The following ZNF717 variants were observed in gnomAD, a reference collection of about 807,000 sequenced individuals.
The protein encoded by ZNF717 is zinc finger protein 717.
A neutral mutation model predicts 13.8 loss-of-function variants in ZNF717; 9 were observed. That is an observed-to-expected ratio of 0.65 (90% CI 0.39 to 1.14). The LOEUF (loss-of-function observed/expected upper bound fraction) is 1.14. Ranked by LOEUF, ZNF717 falls within the 50% of genes most tolerant of loss-of-function variation. The probability of loss-of-function intolerance (pLI) is 0.01; values close to 1 mark genes in which losing one functional copy is unlikely to be tolerated. For missense variants in ZNF717, 1,040 were observed against 1,080.7 expected (o/e 0.96, Z 0.53); for synonymous variants, 327 against 364.1 (o/e 0.90, Z 1.16).
intron 6 of ZNF717, among the ~76,000 whole-genome samples, chr3:75,698,841 A>T: frequency 6.6e-6 from 1 of 152,308 alleles, no homozygotes; most frequent in Non-Finnish European, 1.5e-5. Flanking sequence ...TCCAGACCCC[A>T]TAATGGTAGA....
chr3:75,748,170 A>G (rs1424012254), intron 2 of ZNF717, among the ~76,000 whole-genome samples: 1 of 152,156 alleles, frequency 6.6e-6, no homozygotes, highest in Admixed American at 6.6e-5. Flanking sequence ...TAATAGACCA[A>G]TAACAGGCTC....
At chr3:75,711,142 G>A (rs1937928599) in exon 6 of ZNF717, 1 of 152,186 alleles carries the variant, frequency 6.6e-6, no homozygotes, top group South Asian at 2.1e-4. Flanking sequence ...TTCTGTTTAT[G>A]AAGAGAAACA....
chr3:75,758,631 A>T (rs1310043988), intron 2 of ZNF717, among the ~76,000 whole-genome samples: 2 of 152,176 alleles, frequency 1.3e-5, no homozygotes, highest in Non-Finnish European at 2.9e-5. Context: ...GCAAACTTCA[A>T]TGTTGTATTA....
chr3:75,709,125 A>G (rs2106831591), downstream of ZNF717, among the ~76,000 whole-genome samples: 2 of 151,350 alleles, frequency 1.3e-5, no homozygotes, highest in East Asian at 2.0e-4. Flanking sequence ...CAGCCTCCTG[A>G]GTAGCTGGAA....
chr3:75,740,976 T>C (rs76968430), intron 4 of ZNF717, among the ~76,000 whole-genome samples: 1 of 151,746 alleles, frequency 6.6e-6, no homozygotes, highest in Non-Finnish European at 1.5e-5. Flanking sequence ...ATTTTTAAGA[T>C]ACTACATCAG....
intron 4 of ZNF717, among the ~76,000 whole-genome samples, chr3:75,718,607 A>G (rs1316765034): frequency 1.3e-5 from 2 of 152,216 alleles, no homozygotes; most frequent in Non-Finnish European, 1.5e-5. Context: ...TTCCTGGAAG[A>G]CAATTTTTCC....
At chr3:75,770,000 G>T (rs151101499) in intron 2 of ZNF717, among the ~76,000 whole-genome samples, 272 of 152,256 alleles carry the variant, frequency 1.8e-3, no homozygotes, top group African/African-American at 5.9e-3. Flanking sequence ...GTGCTTCTTG[G>T]TTTTTGTCTT....
intron 5 of ZNF717, among the ~76,000 whole-genome samples, chr3:75,715,964 T>C (rs1434703648): frequency 2.9e-5 from 4 of 139,894 alleles, no homozygotes; most frequent in Non-Finnish European, 1.5e-5. Context: ...TGGTTTTTTT[T>C]GGTTTGTTTT....
chr3:75,723,267 T>TTTTTTC (rs1938204291), intron 4 of ZNF717, among the ~76,000 whole-genome samples: 1 of 140,550 alleles, frequency 7.1e-6, no homozygotes, highest in Non-Finnish European at 1.6e-5. Context: ...TTTTTTTTTT[T>TTTTTTC]CAGACAAGCT....
chr3:75,753,152 G>C (rs1942070282), intron 2 of ZNF717, among the ~76,000 whole-genome samples: 1 of 150,966 alleles, frequency 6.6e-6, no homozygotes, highest in Non-Finnish European at 1.5e-5. Flanking sequence ...CTGCTGCTGG[G>C]TTTTGAATGT....
intron 5 of ZNF717, among the ~76,000 whole-genome samples, chr3:75,716,161 A>G (rs1281294016): frequency 7.5e-6 from 1 of 132,498 alleles, no homozygotes; most frequent in African/African-American, 2.9e-5. Context: ...TTTGTATTTT[A>G]ATAGAGACGA....
At chr3:75,771,840 C>T (rs1166774164) in intron 2 of ZNF717, among the ~76,000 whole-genome samples, 1 of 152,264 alleles carries the variant, frequency 6.6e-6, no homozygotes, top group Non-Finnish European at 1.5e-5. Flanking sequence ...GCCCCCCTGC[C>T]CCTGCAGGCT....
chr3:75,748,192 C>T (rs1443637234), intron 2 of ZNF717, among the ~76,000 whole-genome samples: 1 of 151,972 alleles, frequency 6.6e-6, no homozygotes, highest in Non-Finnish European at 1.5e-5. Flanking sequence ...GAAATTGAGG[C>T]AATAATAGCT....
chr3:75,734,579 C>T (rs1938916201), downstream of ZNF717, among the ~76,000 whole-genome samples: 1 of 150,312 alleles, frequency 6.7e-6, no homozygotes, highest in Admixed American at 6.6e-5. Context: ...ACAACAGACA[C>T]CCACCACCAC....
At chr3:75,782,861 T>C (rs574344710) in intron 2 of ZNF717, among the ~76,000 whole-genome samples, 1 of 152,234 alleles carries the variant, frequency 6.6e-6, no homozygotes, top group East Asian at 1.9e-4. Flanking sequence ...CCGTTTCCAC[T>C]GCACAACATG....
chr3:75,712,892 T>C (rs1211696524), intron 5 of ZNF717, among the ~76,000 whole-genome samples: 13 of 152,098 alleles, frequency 8.5e-5, no homozygotes, highest in African/African-American at 3.1e-4. Flanking sequence ...GCATTTCTTA[T>C]ACATTTTTTC....
chr3:75,730,620 T>G lies in ZNF717; in HGVS notation c.340-2A>C. On this transcript the variant is annotated splice_acceptor_variant, in intron 5 of 5. Coordinates refer to the ZNF717 transcript ENST00000477374. LOFTEE classifies it high-confidence loss of function. ...CAGAGTTCACAAGAGAGATCAAACC[T>G]GGAGATAAAAGATTTTGAAACTATC... 1 of 702,362 alleles carries G rather than the reference T, an allele frequency of 1.4e-6. No homozygotes were observed. Among genetic ancestry groups the G allele is most frequent in the South Asian group, 1.5e-5 (1 of 67,440 alleles). The allele number at this position is 702,362 out of a possible 1,614,324, so 43.5% of individuals were successfully genotyped here. A position where few individuals can be genotyped will look rare whatever the true frequency, so the allele number is the denominator to read the frequency against.
intron 2 of ZNF717, among the ~76,000 whole-genome samples, chr3:75,775,576 T>C (rs1200636934): frequency 6.6e-6 from 1 of 152,162 alleles, no homozygotes; most frequent in African/African-American, 2.4e-5. Flanking sequence ...AAAGTTATGC[T>C]GGGCACAGTG....
chr3:75,766,868 T>C (rs1251722114), intron 2 of ZNF717, among the ~76,000 whole-genome samples: 1 of 152,194 alleles, frequency 6.6e-6, no homozygotes, highest in Non-Finnish European at 1.5e-5. Flanking sequence ...AACCAAGTAA[T>C]AAACTTTGAA....
Sources: allele counts gnomAD v4.1 joint callset (sites outside exome capture counted in the v4.1 genomes callset), GRCh38; gene constraint gnomAD v4.1.1; transcripts MANE v1.5; gene names NCBI Gene and HGNC (gene_info 2026-07-23, HGNC 2026-07-21).